The following ADAMTSL3 variants were observed in gnomAD, a reference collection of about 807,000 sequenced individuals.
The protein encoded by ADAMTSL3 is ADAMTS-like protein 3.
A neutral mutation model predicts 201.7 loss-of-function variants in ADAMTSL3; 128 were observed. The ratio of observed to expected loss-of-function variants is 0.63; its 90% CI spans 0.55 to 0.73. The LOEUF (loss-of-function observed/expected upper bound fraction) is 0.73, where lower values mean the gene tolerates loss of function less well. Among genes scored for constraint, ADAMTSL3 ranks in the 30% least tolerant of loss-of-function variants. The pLI, the probability that ADAMTSL3 is intolerant of heterozygous loss-of-function variation, is 0.00. For synonymous variants in ADAMTSL3, 738 were observed against 748.4 expected, an observed-to-expected ratio of 0.99 and a Z score of 0.23; for missense variants, 1,990 against 2,119.6, an observed-to-expected ratio of 0.94 and a Z score of 1.20.
At chr15:83,954,178 C>T (rs1007308007) in intron 19 of ADAMTSL3, among the ~76,000 whole-genome samples, 1 of 152,138 alleles carries the variant, frequency 6.6e-6, no homozygotes, top group Non-Finnish European at 1.5e-5. Context: ...TTTGCCCCTT[C>T]AGGGTTATTT....
intron 3 of ADAMTSL3, among the ~76,000 whole-genome samples, chr15:83,741,707 A>G (rs74467360): frequency 0.071 from 10,881 of 152,268 alleles, 440 homozygotes; most frequent in East Asian, 0.18. Flanking sequence ...ATAGATCAGA[A>G]TATATTTGGC....
chr15:83,737,857 CTTT>C, intron 3 of ADAMTSL3, among the ~76,000 whole-genome samples: 1 of 152,302 alleles, frequency 6.6e-6, no homozygotes, highest in East Asian at 1.9e-4. Context: ...AAATTATCCT[CTTT>C]TGTTTATGAC....
rs114871247 is a variant in ADAMTSL3 at position 83,726,001 on chromosome 15, G to A, written c.189+21493G>A. 8.3e-3 allele frequency among the ~76,000 whole-genome samples: 1,261 copies of A among 152,092 alleles called. 17 individuals are homozygous for A. Among genetic ancestry groups the A allele is most frequent in the African/African-American group, 0.027 (1,118 of 41,510 alleles). On this transcript the variant is annotated intron_variant, in intron 3 of 29. Coordinates refer to ENST00000286744, the MANE Select transcript of ADAMTSL3 (RefSeq NM_207517.3). ...CTTTTGGTATTATGGACATTTTAAC[G>A]ATATTGATTCTTCCAACCCATGAAT...
intron 8 of ADAMTSL3, among the ~76,000 whole-genome samples, chr15:83,869,006 C>T (rs1338039105): frequency 1.3e-5 from 2 of 152,166 alleles, no homozygotes; most frequent in Non-Finnish European, 2.9e-5. Flanking sequence ...CAACTTGGAA[C>T]GCTGTGGTCC....
rs76626423 is a variant in ADAMTSL3 at position 83,801,460 on chromosome 15, G to C, written c.318-3190G>C. Among the ~76,000 whole-genome samples the C allele has an allele frequency of 9.6e-3, 1,453 of 151,066 alleles. 21 individuals carry two copies. The highest frequency in any genetic ancestry group is 0.033 in the African/African-American group (1,364 of 41,180). On this transcript the variant is annotated intron_variant, in intron 4 of 29. Transcript: ENST00000286744. The stretch of plus-strand genomic sequence containing the variant: ...GATGGCATGAAATGGAAATGGAGGA[G>C]GGAGAGTTTGAGAAAAACTGCAAAG...
intron 17 of ADAMTSL3, among the ~76,000 whole-genome samples, chr15:83,933,617 T>C (rs2142012318): frequency 6.6e-6 from 1 of 152,338 alleles, no homozygotes; most frequent in Admixed American, 6.5e-5. Context: ...AGGAGCCAAA[T>C]GTTAATTGCC....
chr15:83,987,751 C>T lies in ADAMTSL3; in HGVS notation c.3717-940C>T, dbSNP rs75025328. Among the ~76,000 whole-genome samples, 422 of 152,042 alleles carry T rather than the reference C, an allele frequency of 2.8e-3. 2 individuals are homozygous for T. The highest frequency in any genetic ancestry group is 9.8e-3 in the African/African-American group (406 of 41,440). The stretch of plus-strand genomic sequence containing the variant: ...CATTATGACTGAAGCATAGAGCGAA[C>T]GACATGAAGTGACAGGAAATAAAGA... On this transcript the variant is annotated intron_variant, in intron 21 of 29. Transcript: ENST00000286744.
At chr15:83,903,379 T>C (rs2065764896) in intron 15 of ADAMTSL3, among the ~76,000 whole-genome samples, 1 of 151,910 alleles carries the variant, frequency 6.6e-6, no homozygotes, top group South Asian at 2.1e-4. Context: ...TCTCTCAAAT[T>C]TTCTCATCAC....
At chr15:83,954,566 G>C (rs2066818827) in intron 19 of ADAMTSL3, among the ~76,000 whole-genome samples, 1 of 152,164 alleles carries the variant, frequency 6.6e-6, no homozygotes, top group African/African-American at 2.4e-5. Context: ...TTTTCCTGTA[G>C]ATGTCCTTTG....
Position 83,654,136 on chromosome 15 carries a change from C to A in ADAMTSL3, c.-174C>A, listed in dbSNP as rs929931205. 5 of 151,998 alleles carry A rather than the reference C, an allele frequency of 3.3e-5. No homozygotes were observed. The highest frequency in any genetic ancestry group is 2.6e-4 in the Admixed American group (4 of 15,262). 9.4% of individuals were successfully genotyped at this position (151,998 alleles called of 1,614,324 possible). A position where few individuals can be genotyped will look rare whatever the true frequency, so the allele number is the denominator to read the frequency against. ...GCGGCGGCGACTGCGGCGCCGCGGG[C>A]TGGAGGCCGGCGTCGGGGAAGGTCC... On this transcript the variant is annotated 5_prime_UTR_variant, in exon 1 of 30. In the 5' UTR this introduces an upstream ATG that the reference lacks. Transcript: ENST00000286744. This position sits in a 1 kb window ranked among gnomAD's most constrained non-coding sequence, Gnocchi z 5.3.
chr15:83,694,658 A>G (rs1026229814), intron 2 of ADAMTSL3, among the ~76,000 whole-genome samples: 12 of 152,320 alleles, frequency 7.9e-5, no homozygotes, highest in Middle Eastern at 3.4e-3. Flanking sequence ...TCCGCTCCCC[A>G]TTCGGAGGAA....
At chr15:84,019,598 C>T (rs543555298) in intron 25 of ADAMTSL3, among the ~76,000 whole-genome samples, 5 of 151,826 alleles carry the variant, frequency 3.3e-5, no homozygotes, top group African/African-American at 1.2e-4. Flanking sequence ...TGCTAAGCAA[C>T]GTAGGAAACC....
intron 3 of ADAMTSL3, among the ~76,000 whole-genome samples, chr15:83,732,293 A>G (rs2062291208): frequency 6.6e-6 from 1 of 152,054 alleles, no homozygotes; most frequent in Non-Finnish European, 1.5e-5. Flanking sequence ...TGTGTTTTCC[A>G]TTTAAAAAGT....
At chr15:83,656,571 G>A (rs2061087129) in intron 2 of ADAMTSL3, among the ~76,000 whole-genome samples, 2 of 152,190 alleles carry the variant, frequency 1.3e-5, no homozygotes, top group Non-Finnish European at 2.9e-5. Flanking sequence ...AGTTTTTAAA[G>A]TATTGAAAGG....
intron 9 of ADAMTSL3, among the ~76,000 whole-genome samples, chr15:83,876,560 T>A (rs2065180902): frequency 6.6e-6 from 1 of 152,242 alleles, no homozygotes; most frequent in Non-Finnish European, 1.5e-5. Flanking sequence ...TGTATCCTGG[T>A]TGAGAAATCT....
At chr15:83,753,732 G>A (rs2062674957) in intron 3 of ADAMTSL3, among the ~76,000 whole-genome samples, 2 of 152,090 alleles carry the variant, frequency 1.3e-5, no homozygotes, top group African/African-American at 4.8e-5. Flanking sequence ...ATGGTTTGGG[G>A]TATGTTGAAA....
At chr15:83,829,963 G>A (rs564892716) in intron 6 of ADAMTSL3, among the ~76,000 whole-genome samples, 2 of 152,258 alleles carry the variant, frequency 1.3e-5, no homozygotes, top group South Asian at 2.1e-4. Flanking sequence ...GGTCAATTTT[G>A]TAATAAGTGT....
At chr15:83,853,942 ATC>A (rs2064675542) in intron 7 of ADAMTSL3, among the ~76,000 whole-genome samples, 2 of 151,012 alleles carry the variant, frequency 1.3e-5, no homozygotes, top group African/African-American at 4.9e-5. Context: ...CTATCTATCT[ATC>A]TATCTATCTA....
intron 5 of ADAMTSL3, among the ~76,000 whole-genome samples, chr15:83,812,079 G>A (rs2063707575): frequency 6.6e-6 from 1 of 152,194 alleles, no homozygotes. Context: ...CATGTTGAGT[G>A]CCATAAGTGG....
Sources: allele counts gnomAD v4.1 joint callset (sites outside exome capture counted in the v4.1 genomes callset), GRCh38; gene constraint gnomAD v4.1.1; non-coding constraint Gnocchi (gnomAD v3.1); transcripts MANE v1.5; gene names NCBI Gene and HGNC (gene_info 2026-07-23, HGNC 2026-07-21).